Variants in DUSP5 observed in about 807,000 individuals in gnomAD.
The protein encoded by DUSP5 is dual specificity protein phosphatase 5.
A neutral mutation model predicts 33.6 loss-of-function variants in DUSP5; 22 were observed. The observed-to-expected ratio is 0.66, with a 90% CI of 0.47 to 0.94. The LOEUF is 0.94. Ranked by LOEUF, DUSP5 falls within the 40% of genes least tolerant of loss-of-function variation. The pLI is 0.00. For synonymous variants in DUSP5, 270 were observed against 231.1 expected (o/e 1.17, Z -1.53); for missense variants, 551 against 522.1 (o/e 1.06, Z -0.54).
rs999697567 is a variant in DUSP5, at chr10:110,508,416, C to T, written c.748+1262C>T. 1.3e-4 allele frequency among the ~76,000 whole-genome samples: 20 copies of T among 152,330 alleles called. No individual in the cohort carries two copies. The Middle Eastern group carries it at 0.014, about 104-fold the overall frequency. On this transcript the variant is annotated intron_variant, in intron 3 of 3. Transcript: ENST00000369583. ...TCCAGTTCTCAGAACCCTCCCTCCC[C>T]ATCCTGTGTGTGTATTGTGTCTGTG...
At chr10:110,498,678 C>G (rs537888337) in intron 1 of DUSP5, among the ~76,000 whole-genome samples, 178 bp downstream of exon 1, 1 of 152,318 alleles carries the variant, frequency 6.6e-6, no homozygotes, top group South Asian at 2.1e-4. Flanking sequence ...AGAGCTCCCC[C>G]TCTTCCCCAC....
In DUSP5 at chr10:110,510,303, A is replaced by G. The variant is rs1351599272; in HGVS notation, c.1032A>G (p.Thr344=). 6.2e-7 allele frequency: 1 copy of G among 1,614,178 alleles called. No homozygotes were observed. The highest frequency in any genetic ancestry group is 8.5e-7 in the Non-Finnish European group (1 of 1,180,026). The change falls in exon 4 of 4, where the codon ACA becomes ACG. Residue 344 remains threonine, a synonymous_variant. Transcript: ENST00000369583. ...CTTCACTGATAGGCCATTTGCAGAC[A>G]CTGAGCCCTGACATGCAGGGTGCCT... is the stretch of plus-strand genomic sequence containing the variant. ...AGSSLIGHLQ[T]LSPDMQGAYC...
chr10:110,500,653 T>G (rs936056088), intron 1 of DUSP5, among the ~76,000 whole-genome samples: 1 of 152,222 alleles, frequency 6.6e-6, no homozygotes. Flanking sequence ...TTATATATAG[T>G]ATCTGTGCTC....
At chr10:110,507,933 A>G (rs1174069946) in intron 3 of DUSP5, among the ~76,000 whole-genome samples, 3 of 152,160 alleles carry the variant, frequency 2.0e-5, no homozygotes, top group African/African-American at 7.2e-5. Flanking sequence ...TGCAAGTACC[A>G]GTCTCTAACC....
chr10:110,505,798 G>A (rs1269059648), intron 2 of DUSP5, among the ~76,000 whole-genome samples: 1 of 152,164 alleles, frequency 6.6e-6, no homozygotes, highest in African/African-American at 2.4e-5. Context: ...TGCTGTGACT[G>A]CCAGAGTCTA....
Position 110,507,148 on chromosome 10 carries a change from T to G in DUSP5, c.742T>G (p.Phe248Val). 1 of 1,613,184 alleles carries G rather than the reference T, an allele frequency of 6.2e-7. No homozygotes were observed. Among genetic ancestry groups the G allele is most frequent in the Non-Finnish European group, 8.5e-7 (1 of 1,179,956 alleles). The change falls in exon 3 of 4, where the codon TTC becomes GTC. Residue 248 changes from phenylalanine to valine, a missense_variant. Physicochemically the swap from Phe to Val is conservative, Grantham distance 50. Transcript: ENST00000369583. ...CTCCCACTTTCAAGAAGCAATAGAC[T>G]TCATTGGTAGGTTTAGCCATTCCCC... ...ISSHFQEAID[F>V]IDCVREKGGK...
At chr10:110,505,685 A>G (rs1860108653) in intron 2 of DUSP5, among the ~76,000 whole-genome samples, 1 of 152,152 alleles carries the variant, frequency 6.6e-6, no homozygotes, top group African/African-American at 2.4e-5. Flanking sequence ...GCTCCCAAAG[A>G]CACAGCCACT....
chr10:110,510,619 A>G lies in DUSP5; in HGVS notation c.*193A>G, dbSNP rs1324044533. 1.3e-6 allele frequency: 1 copy of G among 742,870 alleles called. No individual in the cohort carries two copies. The highest frequency in any genetic ancestry group is 2.1e-6 in the Non-Finnish European group (1 of 477,882). 46.0% of individuals were successfully genotyped at this position (742,870 alleles called of 1,614,324 possible). ...AGGGTAGGTTCTCGGGACTGAAGGA[A>G]GGCCAAGCCATTACGGGAGCACAGC... is the stretch of plus-strand genomic sequence containing the variant. On this transcript the variant is annotated 3_prime_UTR_variant, in exon 4 of 4. Coordinates refer to ENST00000369583, the MANE Select transcript of DUSP5 (RefSeq NM_004419.4).
In DUSP5 at chr10:110,506,979, C is replaced by G; in HGVS notation, c.573C>G (p.Ala191=). 1.9e-6 allele frequency: 3 copies of G among 1,614,276 alleles called. No individual in the cohort carries two copies. The highest frequency in any genetic ancestry group is 1.7e-5 in the Admixed American group (1 of 60,034). Residue 191 remains alanine, a synonymous_variant, in exon 3 of 4, where the codon GCC becomes GCG. Transcript: ENST00000369583. ...EILPFLYLGS[A]YHASKCEFLA... Reference sequence around the variant, plus strand: ...TTCCCTTCCTCTACCTTGGAAGTGCCTACCATGCATCCAAGTGCGAGTTCC... The same window carrying G: ...TTCCCTTCCTCTACCTTGGAAGTGCGTACCATGCATCCAAGTGCGAGTTCC...
chr10:110,498,526 C>G (rs771206557), intron 1 of DUSP5, 26 bp downstream of exon 1: 12 of 1,440,570 alleles, frequency 8.3e-6, no homozygotes, highest in Non-Finnish European at 1.0e-5. Flanking sequence ...CCCTGCCACG[C>G]TCGCCCCTCC....
intron 1 of DUSP5, among the ~76,000 whole-genome samples, chr10:110,502,186 G>A (rs940490051): frequency 2.0e-5 from 3 of 152,098 alleles, no homozygotes; most frequent in African/African-American, 7.2e-5. Context: ...AGCACCTTGG[G>A]AGTGAGAAGC....
rs1190782753 is a variant in DUSP5 at position 110,498,027 on chromosome 10, G to A, written c.-95G>A. The A allele has an allele frequency of 2.0e-6, 2 of 976,904 alleles. No individual in the cohort carries two copies. Among genetic ancestry groups the A allele is most frequent in the South Asian group, 4.8e-5 (1 of 20,984 alleles). The allele number at this position is 976,904 out of a possible 1,614,324, so 60.5% of individuals were successfully genotyped here. ...CCGCAGCCCCGCGGGTCGCCCTCCC[G>A]TGCCTCGCCCGCGGACACCCTGGCC... is the stretch of plus-strand genomic sequence containing the variant. On this transcript the variant is annotated 5_prime_UTR_variant, in exon 1 of 4. In the 5' UTR this introduces an upstream ATG that the reference lacks. Coordinates refer to ENST00000369583, the MANE Select transcript of DUSP5 (RefSeq NM_004419.4).
chr10:110,501,974 G>C (rs186956342), intron 1 of DUSP5, among the ~76,000 whole-genome samples: 13 of 151,498 alleles, frequency 8.6e-5, no homozygotes, highest in Middle Eastern at 3.4e-3. Context: ...TTGGGGGGGG[G>C]GTGCAGGAGG....
intron 2 of DUSP5, among the ~76,000 whole-genome samples, chr10:110,505,638 A>G (rs751939005): frequency 8.5e-5 from 13 of 152,190 alleles, no homozygotes; most frequent in Non-Finnish European, 1.5e-4. Flanking sequence ...AGGGCAGGAA[A>G]TGGAAACACA....
chr10:110,502,848 C>G lies in DUSP5; in HGVS notation c.507C>G (p.Ser169Arg). ...SQCGKPVVNV[S>R]YRPAYDQGGP... ...GTGGAAAACCAGTGGTAAATGTCAG[C>G]TACAGGCCAGCTTATGACCAGGTAC... Residue 169 changes from serine to arginine, a missense_variant, in exon 2 of 4, where the codon AGC (serine) becomes AGG (arginine). Transcript: ENST00000369583. 2 of 1,614,176 alleles carry G rather than the reference C, an allele frequency of 1.2e-6. No individual in the cohort carries two copies. Among genetic ancestry groups the G allele is most frequent in the Non-Finnish European group, 1.7e-6 (2 of 1,180,022 alleles).
At chr10:110,503,174 G>A (rs891909935) in intron 2 of DUSP5, among the ~76,000 whole-genome samples, 2 of 152,196 alleles carry the variant, frequency 1.3e-5, no homozygotes, top group South Asian at 4.1e-4. Flanking sequence ...ATCTGGCTTC[G>A]GAGGTTCAGA....
At chr10:110,506,781 C>T (rs1860123897) in intron 2 of DUSP5, among the ~76,000 whole-genome samples, 154 bp from the exon 3 acceptor site, 1 of 152,256 alleles carries the variant, frequency 6.6e-6, no homozygotes. Flanking sequence ...GATACAACCA[C>T]ACTTGGTTGA....
intron 3 of DUSP5, 74 bp downstream of exon 3, chr10:110,507,228 G>T (rs1219329097): frequency 1.4e-6 from 2 of 1,442,330 alleles, no homozygotes; most frequent in East Asian, 4.6e-5. Context: ...TTGATGCCCT[G>T]ATGGAAGCTA....
At chr10:110,499,189 T>C (rs1483367453) in intron 1 of DUSP5, among the ~76,000 whole-genome samples, 2 of 151,578 alleles carry the variant, frequency 1.3e-5, no homozygotes, top group Non-Finnish European at 2.9e-5. Context: ...AGCCACGAAA[T>C]AGAGGTGCGC....
Sources: gnomAD v4.1 joint callset for allele counts (sites outside exome capture counted in the v4.1 genomes callset) on GRCh38, gnomAD v4.1.1 for gene constraint, MANE v1.5 for transcripts, NCBI Gene and HGNC (gene_info 2026-07-23, HGNC 2026-07-21) for gene names.